Variants in BRWD3 observed in about 807,000 individuals in gnomAD.
BRWD3 encodes the protein bromodomain and WD repeat domain containing 3.
Under a neutral mutation model 149.7 loss-of-function variants are expected in BRWD3, and 10 were observed. The observed-to-expected ratio is 0.07, with a 90% CI of 0.04 to 0.11. BRWD3 has a LOEUF of 0.11. Among genes scored for constraint, BRWD3 ranks in the 10% least tolerant of loss-of-function variants. The probability of loss-of-function intolerance (pLI) is 1.00; values close to 1 mark genes in which losing one functional copy is unlikely to be tolerated. For missense variants in BRWD3, 940 were observed against 1,373.2 expected (o/e 0.68, Z 4.99); for synonymous variants, 504 against 456.7 (o/e 1.10, Z -1.32).
chrX:80,719,463 C>A (rs1269710161), intron 18 of BRWD3, 26 bp downstream of exon 18: 1 of 1,166,124 alleles, frequency 8.6e-7, no homozygotes, highest in Non-Finnish European at 1.2e-6. Context: ...ATAAACTACA[C>A]CCTTTACAAG....
intron 6 of BRWD3, among the ~76,000 whole-genome samples, chrX:80,747,380 A>AT (rs1169776360): frequency 9.1e-6 from 1 of 109,309 alleles, no homozygotes; most frequent in Non-Finnish European, 1.9e-5. Context: ...TGCTAGTAGG[A>AT]TCCCCCCCAC....
chrX:80,721,844 G>A (rs1164123268), intron 17 of BRWD3, among the ~76,000 whole-genome samples: 7 of 111,376 alleles, frequency 6.3e-5, no homozygotes, highest in Non-Finnish European at 1.3e-4. Flanking sequence ...CTGCGGGGTA[G>A]GGGTTGTTTT....
At position 80,744,065 on chromosome X, in the gene BRWD3, A is replaced by G; in HGVS notation, c.780T>C (p.Leu260=). ...AAGTAATAGAAGCTGAATGGCCCTGAAGGACTGCAACGGGTGCACAAGTTC... is the reference window on the plus strand; with the variant it reads ...AAGTAATAGAAGCTGAATGGCCCTGGAGGACTGCAACGGGTGCACAAGTTC... ...CLRTCAPVAV[L]QGHSASITSI... is the part of the protein sequence containing the mutation. Residue 260 remains leucine, a synonymous_variant, in exon 8 of 41, where the codon CTT becomes CTC. Coordinates refer to ENST00000373275, the MANE Select transcript of BRWD3 (RefSeq NM_153252.5). The G allele has an allele frequency of 1.7e-6, 2 of 1,211,244 alleles. No individual in the cohort carries two copies.
intron 6 of BRWD3, chrX:80,746,884 C>CA (rs1035951364): frequency 2.9e-5 from 21 of 731,704 alleles, no homozygotes; most frequent in Non-Finnish European, 3.2e-5. Context: ...TTTTAACTGA[C>CA]AAAATGACAA....
intron 6 of BRWD3, 120 bp from the exon 7 acceptor site, chrX:80,745,849 A>G (rs1195935603): frequency 9.0e-6 from 6 of 668,398 alleles, no homozygotes; most frequent in African/African-American, 2.2e-5. Context: ...CTGCCCTGTG[A>G]GAAGTCTAAA....
intron 6 of BRWD3, among the ~76,000 whole-genome samples, chrX:80,785,217 A>G (rs2074096478): frequency 8.9e-6 from 1 of 112,419 alleles, no homozygotes; most frequent in Admixed American, 9.4e-5. Context: ...AAGTATTAAC[A>G]CTATTTTGAA....
rs1239711425 is a variant in BRWD3, at chrX:80,669,819, T to G, written c.*6790A>C. Among the ~76,000 whole-genome samples the G allele has an allele frequency of 9.0e-6, 1 of 111,415 alleles. No homozygotes were observed. Among genetic ancestry groups the G allele is most frequent in the Non-Finnish European group, 1.9e-5 (1 of 53,061 alleles). On this transcript the variant is annotated 3_prime_UTR_variant, in exon 41 of 41. Transcript: ENST00000373275. ...AATATTAGTCACCTAAATTAAAGAA[T>G]TTAAAATGTTTTTATTTCTTCATAT...
chrX:80,770,042 C>G (rs779665583), intron 6 of BRWD3, among the ~76,000 whole-genome samples: 44 of 111,614 alleles, frequency 3.9e-4, no homozygotes, highest in African/African-American at 1.3e-3. Flanking sequence ...CCTCCCAAGA[C>G]TAAACCAGGA....
rs2072326789 is a variant in BRWD3 at position 80,672,021 on chromosome X, A to G, written c.*4588T>C. ...CATATCATTTTAAAATTCAATTACC[A>G]ATGGTGGTTTCATTATGTATCAATA... On this transcript the variant is annotated 3_prime_UTR_variant, in exon 41 of 41. Transcript: ENST00000373275. 8.9e-6 allele frequency: 1 copy of G among 111,775 alleles called. No individual in the cohort carries two copies. Among genetic ancestry groups the G allele is most frequent in the Non-Finnish European group, 1.9e-5 (1 of 53,189 alleles). The allele number at this position is 111,775 out of a possible 1,213,427, so 9.2% of individuals were successfully genotyped here.
At chrX:80,706,651 T>A (rs1030631865) in intron 22 of BRWD3, among the ~76,000 whole-genome samples, 4 of 112,127 alleles carry the variant, frequency 3.6e-5, no homozygotes, top group African/African-American at 1.3e-4. Flanking sequence ...TCTTCTGGAA[T>A]ATCTCTTTGA....
rs1312022284 is a variant in BRWD3, at chrX:80,710,709, G to A, written c.2326-1132C>T. On this transcript the variant is annotated intron_variant, in intron 20 of 40. Coordinates refer to ENST00000373275, the MANE Select transcript of BRWD3 (RefSeq NM_153252.5). Reference sequence around the variant, plus strand: ...GGCTGATGAACCAATGGAACATTAAGTGATAAGCCAGCCTATGTATGTATT... The same window carrying A: ...GGCTGATGAACCAATGGAACATTAAATGATAAGCCAGCCTATGTATGTATT... 5.3e-6 allele frequency: 4 copies of A among 760,538 alleles called. No homozygotes were observed. In the Admixed American group the frequency reaches 9.3e-5, roughly 18 times the overall value. The allele number at this position is 760,538 out of a possible 1,213,427, so 62.7% of individuals were successfully genotyped here.
intron 35 of BRWD3, among the ~76,000 whole-genome samples, chrX:80,686,362 G>A (rs949570762): frequency 4.6e-5 from 5 of 109,017 alleles, no homozygotes; most frequent in Admixed American, 2.0e-4. Context: ...CATGGCATAT[G>A]TATACGTATG....
Position 80,735,148 on chromosome X carries a change from A to T in BRWD3, c.964T>A (p.Ser322Thr). The change falls in exon 10 of 41, where the codon TCT (serine) becomes ACT (threonine). Residue 322 changes from serine (S) to threonine (T), a missense_variant. Ser to Thr is a moderately conservative substitution (Grantham distance 58). Transcript: ENST00000373275. ...ATACCAGAACTGAAAGATGAACAAG[A>T]TATCTGGACTCCAGGTCTGGATCTC... ...TERSRPGVQISCSSFSSGGMF... is the reference protein window; with the variant it reads ...TERSRPGVQITCSSFSSGGMF... The T allele has an allele frequency of 3.3e-6, 4 of 1,206,160 alleles. No individual in the cohort carries two copies. Among genetic ancestry groups the T allele is most frequent in the Non-Finnish European group, 4.5e-6 (4 of 890,545 alleles).
At chrX:80,791,293 A>T (rs1480534853) in intron 6 of BRWD3, among the ~76,000 whole-genome samples, 1 of 111,616 alleles carries the variant, frequency 9.0e-6, no homozygotes, top group Non-Finnish European at 1.9e-5. Flanking sequence ...TTGGTTTTGC[A>T]CATACTTTGT....
At chrX:80,778,563 C>G (rs1435098163) in intron 6 of BRWD3, among the ~76,000 whole-genome samples, 1 of 112,366 alleles carries the variant, frequency 8.9e-6, no homozygotes, top group Non-Finnish European at 1.9e-5. Flanking sequence ...TTGTACCATA[C>G]CTATCATCAT....
intron 14 of BRWD3, among the ~76,000 whole-genome samples, chrX:80,726,638 C>T (rs1282605790): frequency 9.1e-6 from 1 of 110,285 alleles, no homozygotes; most frequent in Non-Finnish European, 1.9e-5. Context: ...CTCAAAAGTG[C>T]ATTTTATCCC....
rs777332869 is a variant in BRWD3 at position 80,673,936 on chromosome X, T to G, written c.*2673A>C. The G allele has an allele frequency of 2.7e-5, 3 of 111,458 alleles. No individual in the cohort carries two copies. Among genetic ancestry groups the G allele is most frequent in the Non-Finnish European group, 5.7e-5 (3 of 52,989 alleles). 9.2% of individuals were successfully genotyped at this position (111,458 alleles called of 1,213,427 possible). A position where few individuals can be genotyped will look rare whatever the true frequency, so the allele number is the denominator to read the frequency against. On this transcript the variant is annotated 3_prime_UTR_variant, in exon 41 of 41. Coordinates refer to ENST00000373275, the MANE Select transcript of BRWD3 (RefSeq NM_153252.5). The stretch of plus-strand genomic sequence containing the variant: ...TAAAATGATAAAGTAATCAATGTGA[T>G]ACTAATTACAACACATTCACAGGAG...
At chrX:80,791,240 C>T (rs1013931665) in intron 6 of BRWD3, among the ~76,000 whole-genome samples, 8 of 111,557 alleles carry the variant, frequency 7.2e-5, no homozygotes, top group South Asian at 7.4e-4. Flanking sequence ...TTTAGAAGAG[C>T]GAGAAAGTAA....
chrX:80,760,455 A>G (rs1426028529), intron 6 of BRWD3, among the ~76,000 whole-genome samples: 1 of 111,960 alleles, frequency 8.9e-6, no homozygotes, highest in Admixed American at 9.5e-5. Flanking sequence ...TTTTCTACTA[A>G]TATCTTTAAA....
Sources: gnomAD v4.1 joint callset for allele counts (sites outside exome capture counted in the v4.1 genomes callset) on GRCh38, gnomAD v4.1.1 for gene constraint, MANE v1.5 for transcripts, NCBI Gene and HGNC (gene_info 2026-07-23, HGNC 2026-07-21) for gene names.